CYB5R3: variants seen among roughly 807,000 people sequenced by gnomAD.
The protein encoded by CYB5R3 is NADH-cytochrome b5 reductase 3.
A neutral mutation model predicts 36.5 loss-of-function variants in CYB5R3; 28 were observed. The observed-to-expected ratio is 0.77, with a 90% CI of 0.57 to 1.05. The LOEUF is 1.05. Among genes scored for constraint, CYB5R3 ranks in the 50% least tolerant of loss-of-function variants. The pLI is 0.00. For missense variants in CYB5R3, 474 were observed against 408.9 expected, an observed-to-expected ratio of 1.16 and a Z score of -1.37; for synonymous variants, 181 against 159.8, an observed-to-expected ratio of 1.13 and a Z score of -1.00.
chr22:42,647,311 T>TC (rs931475147), intron 1 of CYB5R3, among the ~76,000 whole-genome samples: 11 of 152,116 alleles, frequency 7.2e-5, no homozygotes, highest in African/African-American at 2.7e-4. Flanking sequence ...GCTCAGCCAT[T>TC]CAACAGAAAT....
intron 4 of CYB5R3, among the ~76,000 whole-genome samples, chr22:42,629,353 C>G (rs1051283771): frequency 6.6e-6 from 1 of 152,194 alleles, no homozygotes; most frequent in African/African-American, 2.4e-5. Context: ...TCCTTCTTCA[C>G]CTGGTCAGTG....
intron 1 of CYB5R3, among the ~76,000 whole-genome samples, chr22:42,643,049 A>G (rs1387659185): frequency 6.6e-6 from 1 of 152,200 alleles, no homozygotes; most frequent in Non-Finnish European, 1.5e-5. Context: ...CCCTTGAGGT[A>G]GTATATCCTG....
chr22:42,633,811 C>T (rs1223662539), intron 2 of CYB5R3, among the ~76,000 whole-genome samples: 2 of 152,000 alleles, frequency 1.3e-5, no homozygotes, highest in Non-Finnish European at 2.9e-5. Flanking sequence ...ACGACAGTAA[C>T]AGAGCCAGGC....
In CYB5R3 at chr22:42,619,482, T is replaced by G; in HGVS notation, c.*291A>C. On this transcript the variant is annotated 3_prime_UTR_variant, in exon 9 of 9. Coordinates refer to ENST00000352397, the MANE Select transcript of CYB5R3 (RefSeq NM_000398.7). ...TGGCAGCCCTCAGCCTTATAGTGTGTGTGGGGGGTGGACGAGGGGTCATGA... is the reference window on the plus strand; with the variant it reads ...TGGCAGCCCTCAGCCTTATAGTGTGGGTGGGGGGTGGACGAGGGGTCATGA... The G allele has an allele frequency of 2.1e-6, 1 of 476,212 alleles. No homozygotes were observed. Among genetic ancestry groups the G allele is most frequent in the African/African-American group, 1.9e-5 (1 of 51,350 alleles). 29.5% of individuals were successfully genotyped at this position (476,212 alleles called of 1,614,324 possible).
intron 1 of CYB5R3, among the ~76,000 whole-genome samples, chr22:42,645,647 C>G (rs1335102979): frequency 6.6e-6 from 1 of 152,130 alleles, no homozygotes; most frequent in African/African-American, 2.4e-5. Flanking sequence ...AGGCGGGCAG[C>G]CTCTGCTCAC....
At chr22:42,627,779 C>A in intron 5 of CYB5R3, 91 bp from the exon 6 acceptor site, 1 of 962,046 alleles carries the variant, frequency 1.0e-6, no homozygotes. Context: ...AACCTGCCCC[C>A]ACTGTGAGGT....
At chr22:42,640,350 C>CCTAT in intron 1 of CYB5R3, 1 of 476,192 alleles carries the variant, frequency 2.1e-6, no homozygotes, top group Non-Finnish European at 3.1e-6. Context: ...GCGTGGTTCA[C>CCTAT]TTATTTATTT....
At position 42,631,385 on chromosome 22, in the gene CYB5R3, G is replaced by A. The variant is rs1928608928; in HGVS notation, c.219C>T (p.Leu73=). Residue 73 remains leucine (L), a synonymous_variant, in exon 3 of 9, where the codon CTC becomes CTT. Coordinates refer to ENST00000352397, the MANE Select transcript of CYB5R3 (RefSeq NM_000398.7). ...ALPSPQHILG[L]PVGQHIYLSA... ...AGCAGGGGCGTGACTCACCGACAGG[G>A]AGGCCCAGGATGTGCTGGGGTGACG... is the stretch of plus-strand genomic sequence containing the variant. 6.4e-7 allele frequency: 1 copy of A among 1,551,428 alleles called. No individual in the cohort carries two copies. The highest frequency in any genetic ancestry group is 1.4e-5 in the African/African-American group (1 of 73,048).
At chr22:42,638,248 T>C (rs1021839822) in intron 1 of CYB5R3, among the ~76,000 whole-genome samples, 39 of 150,940 alleles carry the variant, frequency 2.6e-4, no homozygotes, top group African/African-American at 9.3e-4. Context: ...ATACAAAAAT[T>C]AGCCGGGCGT....
At chr22:42,643,446 C>A (rs8190412) in intron 1 of CYB5R3, among the ~76,000 whole-genome samples, 1 of 133,952 alleles carries the variant, frequency 7.5e-6, no homozygotes. Context: ...GGCCCCCGCC[C>A]CCCCACCCCC....
intron 7 of CYB5R3, among the ~76,000 whole-genome samples, chr22:42,624,605 C>A (rs1928169121): frequency 1.4e-5 from 2 of 140,684 alleles, no homozygotes; most frequent in South Asian, 2.6e-4. Context: ...CCGCCCCCCA[C>A]CCCCGTTCCA....
rs372280336 is a variant in CYB5R3 at position 42,630,863 on chromosome 22, C to T, written c.333+19G>A. On this transcript the variant is annotated intron_variant, in intron 4 of 8. Transcript: ENST00000352397. ...CACCCACCCACACCCCCTCCACAGT[C>T]ATGACCCAGAGGCTTCACCTTGATG... The T allele has an allele frequency of 1.9e-6, 3 of 1,602,112 alleles. No homozygotes were observed. The highest frequency in any genetic ancestry group is 2.6e-6 in the Non-Finnish European group (3 of 1,172,208).
chr22:42,634,393 G>A (rs557855040), intron 2 of CYB5R3, among the ~76,000 whole-genome samples: 4 of 152,000 alleles, frequency 2.6e-5, no homozygotes, highest in African/African-American at 7.2e-5. Flanking sequence ...AAATCATATC[G>A]CAAGGTTAAG....
chr22:42,646,282 C>A (rs1195664959), intron 1 of CYB5R3, among the ~76,000 whole-genome samples: 1 of 152,192 alleles, frequency 6.6e-6, no homozygotes, highest in Non-Finnish European at 1.5e-5. Flanking sequence ...TGCCTCCCAG[C>A]CCCTGACCTA....
intron 3 of CYB5R3, 147 bp from the exon 4 acceptor site, chr22:42,631,135 G>T: frequency 1.2e-6 from 1 of 833,872 alleles, no homozygotes; most frequent in East Asian, 2.7e-5. Context: ...CCCTCCCGGG[G>T]ATTCCCCTCA....
chr22:42,645,892 G>A (rs1929513652), intron 1 of CYB5R3, among the ~76,000 whole-genome samples: 1 of 138,474 alleles, frequency 7.2e-6, no homozygotes, highest in South Asian at 2.4e-4. Context: ...GGTCCCATGT[G>A]CAACGCAGGG....
intron 7 of CYB5R3, among the ~76,000 whole-genome samples, chr22:42,626,904 C>G (rs766804845): frequency 6.6e-6 from 1 of 152,198 alleles, no homozygotes; most frequent in Non-Finnish European, 1.5e-5. Context: ...AAATCCTGCC[C>G]TGACACCCTG....
intron 2 of CYB5R3, chr22:42,631,656 G>C: frequency 1.6e-6 from 1 of 619,026 alleles, no homozygotes; most frequent in Non-Finnish European, 2.9e-6. Context: ...CCAGGCGCAC[G>C]CTGGGTGTGT....
intron 7 of CYB5R3, among the ~76,000 whole-genome samples, chr22:42,627,039 T>C (rs1373324093): frequency 6.6e-6 from 1 of 152,054 alleles, no homozygotes; most frequent in Non-Finnish European, 1.5e-5. Context: ...GAGTTCTGAG[T>C]TTTGGAGGAA....
Sources: allele counts gnomAD v4.1 joint callset (sites outside exome capture counted in the v4.1 genomes callset), GRCh38; gene constraint gnomAD v4.1.1; transcripts MANE v1.5; gene names NCBI Gene and HGNC (gene_info 2026-07-23, HGNC 2026-07-21).